Variants in PALLD observed in about 807,000 individuals in gnomAD.
PALLD encodes palladin.
In PALLD, 61 loss-of-function variants were observed where a neutral mutation model predicts 123.5. The observed-to-expected ratio is 0.49, with a 90% CI of 0.40 to 0.61. The LOEUF (loss-of-function observed/expected upper bound fraction) is 0.61, where lower values mean the gene tolerates loss of function less well. PALLD is among the 20% of genes least tolerant of loss of function. The pLI is 0.00. For missense variants in PALLD, 1,273 were observed against 1,377.0 expected (o/e 0.92, Z 1.20); for synonymous variants, 465 against 496.4 (o/e 0.94, Z 0.84).
At chr4:168,916,402 C>A (rs1158593200) in intron 17 of PALLD, among the ~76,000 whole-genome samples, 1 of 151,842 alleles carries the variant, frequency 6.6e-6, no homozygotes, top group Non-Finnish European at 1.5e-5. Flanking sequence ...AGAGCAAGAC[C>A]CTGTCTCAAA....
At chr4:168,663,452 T>C (rs528078058) in intron 2 of PALLD, among the ~76,000 whole-genome samples, 1 of 152,134 alleles carries the variant, frequency 6.6e-6, no homozygotes. Context: ...TTTCTGGTTG[T>C]CTGGTATCTG....
intron 10 of PALLD, among the ~76,000 whole-genome samples, chr4:168,771,276 T>C (rs1175234893): frequency 2.0e-5 from 3 of 152,172 alleles, no homozygotes; most frequent in African/African-American, 7.2e-5. Flanking sequence ...TACCCCCTAC[T>C]GCAGAGTTAT....
intron 2 of PALLD, among the ~76,000 whole-genome samples, chr4:168,533,505 G>A (rs961350308): frequency 6.6e-6 from 1 of 152,200 alleles, no homozygotes; most frequent in Non-Finnish European, 1.5e-5. Flanking sequence ...TAGATGACTA[G>A]ATAATTATGC....
At chr4:168,881,464 T>C (rs1752594332) in intron 10 of PALLD, among the ~76,000 whole-genome samples, 3 of 149,594 alleles carry the variant, frequency 2.0e-5, no homozygotes, top group Admixed American at 2.0e-4. Context: ...AGGAACTGTA[T>C]GTATAGAAGT....
intron 2 of PALLD, among the ~76,000 whole-genome samples, chr4:168,531,683 TC>T (rs1764613862): frequency 6.6e-6 from 1 of 152,198 alleles, no homozygotes; most frequent in African/African-American, 2.4e-5. Context: ...AGAAAAATCC[TC>T]CCTCACATTG....
intron 10 of PALLD, among the ~76,000 whole-genome samples, chr4:168,850,523 CTTTTTTTTTTTTTT>C (rs767777801): frequency 5.8e-5 from 2 of 34,692 alleles, no homozygotes; most frequent in Non-Finnish European, 9.3e-5. Flanking sequence ...TCTGTCATTT[CTTTTTTTTTTTTTT>C]TTTTTTTTTT....
intron 10 of PALLD, among the ~76,000 whole-genome samples, chr4:168,712,683 C>A (rs916246131): frequency 6.6e-6 from 1 of 152,030 alleles, no homozygotes; most frequent in Non-Finnish European, 1.5e-5. Context: ...TACTGCCCTG[C>A]CAGAGGTTAG....
chr4:168,617,888 C>CAGCT (rs1774383185), intron 2 of PALLD, among the ~76,000 whole-genome samples: 1 of 152,094 alleles, frequency 6.6e-6, no homozygotes, highest in South Asian at 2.1e-4. Flanking sequence ...CTCCCTCCAC[C>CAGCT]AGCTACCCCA....
Position 168,654,277 on chromosome 4 carries a change from G to A in PALLD, c.909-13913G>A, listed in dbSNP as rs949442123. 2.0e-5 allele frequency among the ~76,000 whole-genome samples: 3 copies of A among 152,032 alleles called. No individual in the cohort carries two copies. In the South Asian group the frequency reaches 6.2e-4, roughly 32 times the overall value. ...GCTTTAGAGTTGTTTTTTTTGGGGA[G>A]GAGGGAAGGGGTGTTATGTGTATTT... is the stretch of plus-strand genomic sequence containing the variant. On this transcript the variant is annotated intron_variant, in intron 2 of 21. Transcript: ENST00000505667.
intron 10 of PALLD, among the ~76,000 whole-genome samples, chr4:168,764,640 A>C (rs1733413579): frequency 6.6e-6 from 1 of 151,842 alleles, no homozygotes; most frequent in African/African-American, 2.4e-5. Flanking sequence ...TTTATTCCAA[A>C]CCCTTTCTAA....
chr4:168,543,140 C>G (rs191263846), intron 2 of PALLD, among the ~76,000 whole-genome samples: 16 of 152,124 alleles, frequency 1.1e-4, no homozygotes, highest in Admixed American at 1.0e-3. Context: ...GGACCACTTC[C>G]TAGCTCCATC....
intron 10 of PALLD, among the ~76,000 whole-genome samples, chr4:168,722,311 A>G (rs534937756): frequency 6.6e-6 from 1 of 152,258 alleles, no homozygotes; most frequent in South Asian, 2.1e-4. Flanking sequence ...AGATTATGAG[A>G]CGTGAGCCAC....
At chr4:168,799,064 A>G (rs1383881504) in intron 10 of PALLD, among the ~76,000 whole-genome samples, 3 of 152,206 alleles carry the variant, frequency 2.0e-5, no homozygotes, top group Admixed American at 6.5e-5. Context: ...TAATAATAAT[A>G]AAGTGACGTA....
At chr4:168,752,951 A>C (rs1181553768) in intron 10 of PALLD, among the ~76,000 whole-genome samples, 1 of 152,212 alleles carries the variant, frequency 6.6e-6, no homozygotes, top group African/African-American at 2.4e-5. Flanking sequence ...GAGGAGGAGA[A>C]GAAAGAGGAG....
chr4:168,600,395 T>C (rs1285127885), intron 2 of PALLD, among the ~76,000 whole-genome samples: 6 of 152,168 alleles, frequency 3.9e-5, no homozygotes, highest in African/African-American at 1.4e-4. Flanking sequence ...TTTACTTTCA[T>C]AATAAAAAAT....
chr4:168,925,122 T>C (rs757633595), intron 20 of PALLD, 44 bp downstream of exon 20: 2 of 1,608,216 alleles, frequency 1.2e-6, no homozygotes, highest in East Asian at 2.2e-5. Flanking sequence ...ACTCATTAAA[T>C]TATGAAAAAT....
intron 2 of PALLD, chr4:168,631,549 C>G (rs973796337): frequency 1.1e-5 from 10 of 917,406 alleles, no homozygotes; most frequent in Non-Finnish European, 1.3e-5. Flanking sequence ...CACACCCTCT[C>G]CCCCTCCCCA....
intron 3 of PALLD, among the ~76,000 whole-genome samples, chr4:168,670,615 C>A (rs1580862092): frequency 6.6e-6 from 1 of 150,676 alleles, no homozygotes; most frequent in Non-Finnish European, 1.5e-5. Context: ...CGCCTGTAGT[C>A]CCAGCTACTC....
At chr4:168,547,035 G>T (rs1409988866) in intron 2 of PALLD, among the ~76,000 whole-genome samples, 1 of 151,886 alleles carries the variant, frequency 6.6e-6, no homozygotes, top group East Asian at 1.9e-4. Flanking sequence ...GGGTTTTTGT[G>T]GCCAGCATTC....
Sources: gnomAD v4.1 joint callset for allele counts (sites outside exome capture counted in the v4.1 genomes callset) on GRCh38, gnomAD v4.1.1 for gene constraint, MANE v1.5 for transcripts, NCBI Gene and HGNC (gene_info 2026-07-23, HGNC 2026-07-21) for gene names.